The following MYO16 variants were observed in gnomAD, a reference collection of about 807,000 sequenced individuals.
The protein encoded by MYO16 is unconventional myosin-XVI.
MYO16 carries 94 observed loss-of-function variants against 205.3 expected under a neutral mutation model. The observed-to-expected ratio is 0.46, with a 90% CI of 0.39 to 0.54. The LOEUF (loss-of-function observed/expected upper bound fraction) is 0.54, where lower values mean the gene tolerates loss of function less well. Ranked by LOEUF, MYO16 falls within the 20% of genes least tolerant of loss-of-function variation. MYO16 has a pLI of 0.00. For synonymous variants in MYO16, 988 were observed against 954.0 expected (o/e 1.04, Z -0.66); for missense variants, 2,315 against 2,387.5 (o/e 0.97, Z 0.63).
At chr13:108,630,109 T>C (rs1016234576) in intron 1 of MYO16, among the ~76,000 whole-genome samples, 9 of 151,468 alleles carry the variant, frequency 5.9e-5, no homozygotes, top group African/African-American at 2.2e-4. Flanking sequence ...ACTTCAGCTT[T>C]TTAAAAAAAA....
intron 21 of MYO16, among the ~76,000 whole-genome samples, chr13:108,995,750 C>A (rs1594455039): frequency 6.6e-6 from 1 of 152,164 alleles, no homozygotes; most frequent in South Asian, 2.1e-4. Flanking sequence ...TCATCCATGT[C>A]CCTACAAAGG....
chr13:108,520,671 T>C, the MYO16 span, among the ~76,000 whole-genome samples: 3 of 152,242 alleles, frequency 2.0e-5, no homozygotes, highest in African/African-American at 4.8e-5. Flanking sequence ...CAGTCTCAGA[T>C]ACATTCAAGC....
intron 31 of MYO16, among the ~76,000 whole-genome samples, chr13:109,133,167 C>T (rs2139789177): frequency 6.6e-6 from 1 of 152,352 alleles, no homozygotes; most frequent in South Asian, 2.1e-4. Flanking sequence ...GGTTGTAAAT[C>T]TATCCTACAT....
chr13:108,754,845 G>T (rs965199469), intron 4 of MYO16, among the ~76,000 whole-genome samples: 4 of 152,014 alleles, frequency 2.6e-5, no homozygotes, highest in Non-Finnish European at 4.4e-5. Context: ...TATTAGTTTG[G>T]CATTACACTC....
intron 3 of MYO16, among the ~76,000 whole-genome samples, chr13:108,714,622 AG>A (rs1301051066): frequency 2.3e-5 from 3 of 132,758 alleles, no homozygotes; most frequent in African/African-American, 8.1e-5. Flanking sequence ...GTATATATAT[AG>A]AGAGAGAGAG....
chr13:108,802,924 T>C (rs1887009571), intron 6 of MYO16, among the ~76,000 whole-genome samples: 1 of 152,212 alleles, frequency 6.6e-6, no homozygotes, highest in Non-Finnish European at 1.5e-5. Flanking sequence ...GGGTTATTTG[T>C]TTTCTTGTTA....
At chr13:108,745,126 A>G (rs1885020353) in intron 4 of MYO16, among the ~76,000 whole-genome samples, 1 of 152,210 alleles carries the variant, frequency 6.6e-6, no homozygotes, top group Non-Finnish European at 1.5e-5. Context: ...TGTTTCTTGG[A>G]CCTATCAGAG....
upstream of MYO16, among the ~76,000 whole-genome samples, chr13:108,624,781 CTGAGTGTGTG>C (rs1332741053): frequency 9.6e-4 from 117 of 121,640 alleles, no homozygotes; most frequent in East Asian, 5.5e-3. Flanking sequence ...CCCATATAGC[CTGAGTGTGTG>C]TGTGTGTGTG....
intron 1 of MYO16, among the ~76,000 whole-genome samples, chr13:108,607,655 T>C (rs1879010333): frequency 6.6e-6 from 1 of 152,172 alleles, no homozygotes; most frequent in Non-Finnish European, 1.5e-5. Context: ...AATAAACTAA[T>C]ACAGTAAATA....
chr13:109,074,846 G>A (rs1050982726), intron 27 of MYO16, among the ~76,000 whole-genome samples: 2 of 152,120 alleles, frequency 1.3e-5, no homozygotes, highest in Non-Finnish European at 2.9e-5. Context: ...TTTCAACCAG[G>A]TCCCTTCCCC....
chr13:108,964,740 C>G (rs779994922), intron 19 of MYO16, 21 bp from the exon 20 acceptor site: 4 of 1,612,764 alleles, frequency 2.5e-6, no homozygotes, highest in Non-Finnish European at 3.4e-6. Context: ...CTCACTCCTC[C>G]TTTTCTTTCT....
At chr13:108,917,290 G>C (rs1881540456) in intron 16 of MYO16, among the ~76,000 whole-genome samples, 1 of 152,170 alleles carries the variant, frequency 6.6e-6, no homozygotes, top group Non-Finnish European at 1.5e-5. Context: ...ACAGAAGGAA[G>C]AAATACATTT....
chr13:109,177,545 G>A (rs1007821690), intron 33 of MYO16, among the ~76,000 whole-genome samples: 3 of 151,978 alleles, frequency 2.0e-5, no homozygotes, highest in African/African-American at 7.3e-5. Flanking sequence ...TTGAGATGGA[G>A]TCTCACTCTG....
At chr13:108,651,996 A>G (rs762752063) in intron 1 of MYO16, among the ~76,000 whole-genome samples, 41 of 151,872 alleles carry the variant, frequency 2.7e-4, no homozygotes, top group Non-Finnish European at 4.7e-4. Flanking sequence ...AATTGATTAT[A>G]CTCTTGTCTT....
chr13:108,750,204 T>C (rs1235427357), intron 4 of MYO16, among the ~76,000 whole-genome samples: 1 of 152,210 alleles, frequency 6.6e-6, no homozygotes, highest in East Asian at 1.9e-4. Flanking sequence ...ACACCCTGCC[T>C]TTGTGAACAA....
the MYO16 span, among the ~76,000 whole-genome samples, chr13:108,503,558 TTAA>T: frequency 6.6e-6 from 1 of 152,118 alleles, no homozygotes; most frequent in African/African-American, 2.4e-5. Flanking sequence ...GAGGCTCAAG[TTAA>T]TCCCATGCCA....
At chr13:109,062,278 C>T (rs746566678) in intron 27 of MYO16, among the ~76,000 whole-genome samples, 4 of 152,006 alleles carry the variant, frequency 2.6e-5, no homozygotes, top group Non-Finnish European at 4.4e-5. Context: ...AGGATCGTAT[C>T]GTATTCATTC....
the MYO16 span, among the ~76,000 whole-genome samples, chr13:108,582,726 G>T: frequency 6.6e-6 from 1 of 152,130 alleles, no homozygotes; most frequent in African/African-American, 2.4e-5. Context: ...TTTGGAGATG[G>T]GGTGGGGTTT....
At position 109,117,706 on chromosome 13, in the gene MYO16, G is replaced by A. The variant is rs73619918; in HGVS notation, c.3439-2664G>A. Among the ~76,000 whole-genome samples the A allele has an allele frequency of 4.1e-3, 628 of 152,170 alleles. 4 individuals carry two copies. Among genetic ancestry groups the A allele is most frequent in the African/African-American group, 0.014 (571 of 41,512 alleles). On this transcript the variant is annotated intron_variant, in intron 28 of 34. Transcript: ENST00000457511. Reference sequence around the variant, plus strand: ...TTTGATTTCAGTTGTAAAGGATAAAGAGGAGTTGGTCAACAGAGAAGCAGC... The same window carrying A: ...TTTGATTTCAGTTGTAAAGGATAAAAAGGAGTTGGTCAACAGAGAAGCAGC...
Sources: gnomAD v4.1 joint callset for allele counts (sites outside exome capture counted in the v4.1 genomes callset) on GRCh38, gnomAD v4.1.1 for gene constraint, MANE v1.5 for transcripts, NCBI Gene and HGNC (gene_info 2026-07-23, HGNC 2026-07-21) for gene names.